AKR1C8: variants seen among roughly 807,000 people sequenced by gnomAD.
AKR1C8 encodes the protein aldo-keto reductase family 1 member C8.
chr10:5,140,484 C>A, the AKR1C8 span, among the ~76,000 whole-genome samples: 3 of 152,114 alleles, frequency 2.0e-5, no homozygotes, highest in African/African-American at 7.2e-5. Context: ...AGGATGAGTT[C>A]ATGTCCTTTG....
chr10:5,162,119 G>T, the AKR1C8 span: 8 of 369,164 alleles, frequency 2.2e-5, 1 homozygote, highest in South Asian at 1.7e-4. Flanking sequence ...ATGTTACTCA[G>T]TATAAATCAA....
chr10:5,127,874 G>T, the AKR1C8 span, among the ~76,000 whole-genome samples: 6 of 152,018 alleles, frequency 3.9e-5, no homozygotes, highest in Non-Finnish European at 7.4e-5. Flanking sequence ...GAATAATTGA[G>T]AAAAACTTCC....
the AKR1C8 span, among the ~76,000 whole-genome samples, chr10:5,167,552 C>T: frequency 6.6e-6 from 1 of 152,146 alleles, no homozygotes; most frequent in Non-Finnish European, 1.5e-5. Context: ...CCAAACACCG[C>T]ATGTTCTCAC....
At chr10:5,174,196 A>G in the AKR1C8 span, among the ~76,000 whole-genome samples, 5 of 151,840 alleles carry the variant, frequency 3.3e-5, no homozygotes, top group African/African-American at 4.8e-5. Context: ...TAATCCAATC[A>G]GAAGACTGAC....
the AKR1C8 span, among the ~76,000 whole-genome samples, chr10:5,161,045 G>A: frequency 2.0e-5 from 3 of 152,162 alleles, no homozygotes; most frequent in Non-Finnish European, 2.9e-5. Flanking sequence ...ATGCACGTGT[G>A]CATGTGTGTA....
the AKR1C8 span, chr10:5,157,849 T>C: frequency 4.5e-6 from 2 of 440,758 alleles, no homozygotes; most frequent in South Asian, 1.7e-5. Flanking sequence ...GGATGGAAAA[T>C]CTACAGTGCG....
chr10:5,130,873 G>A, the AKR1C8 span, among the ~76,000 whole-genome samples: 1 of 151,746 alleles, frequency 6.6e-6, no homozygotes, highest in Non-Finnish European at 1.5e-5. Context: ...CCACAAAAGA[G>A]CCACAATAAC....
chr10:5,182,059 T>G, the AKR1C8 span, among the ~76,000 whole-genome samples: 1 of 152,190 alleles, frequency 6.6e-6, no homozygotes, highest in African/African-American at 2.4e-5. Flanking sequence ...TTTGTTTTTT[T>G]CAGAGTCAAA....
the AKR1C8 span, among the ~76,000 whole-genome samples, chr10:5,144,785 T>C: frequency 6.6e-6 from 1 of 151,984 alleles, no homozygotes. Context: ...GACAATGGGG[T>C]TTTCTAGATA....
At chr10:5,160,152 C>T in the AKR1C8 span, 1 of 376,074 alleles carries the variant, frequency 2.7e-6, no homozygotes, top group African/African-American at 2.2e-5. Flanking sequence ...TATACAATTT[C>T]CTAATGCATT....
At chr10:5,139,431 T>C in the AKR1C8 span, among the ~76,000 whole-genome samples, 1 of 152,166 alleles carries the variant, frequency 6.6e-6, no homozygotes, top group Admixed American at 6.6e-5. Flanking sequence ...CAAAACAACA[T>C]GGTACTAGTA....
At chr10:5,154,041 A>C in the AKR1C8 span, 2 of 323,970 alleles carry the variant, frequency 6.2e-6, no homozygotes, top group East Asian at 1.7e-4. Flanking sequence ...GCAACCTGCA[A>C]CTACAGATCC....
At chr10:5,178,786 C>G in the AKR1C8 span, among the ~76,000 whole-genome samples, 1 of 141,862 alleles carries the variant, frequency 7.0e-6, no homozygotes, top group Non-Finnish European at 1.5e-5. Context: ...TTATCAGAGA[C>G]TAGGATTGCA....
At chr10:5,148,477 G>C in the AKR1C8 span, among the ~76,000 whole-genome samples, 1 of 152,094 alleles carries the variant, frequency 6.6e-6, no homozygotes, top group Non-Finnish European at 1.5e-5. Flanking sequence ...TCTTTGACCT[G>C]AACTTTTTTC....
At chr10:5,120,826 A>G in the AKR1C8 span, among the ~76,000 whole-genome samples, 5 of 152,134 alleles carry the variant, frequency 3.3e-5, no homozygotes, top group East Asian at 5.8e-4. Flanking sequence ...TGAAATAGTC[A>G]TATTTTTATT....
the AKR1C8 span, among the ~76,000 whole-genome samples, chr10:5,181,284 A>G: frequency 6.6e-6 from 1 of 152,242 alleles, no homozygotes; most frequent in Non-Finnish European, 1.5e-5. Flanking sequence ...ATTGACATTA[A>G]TAAAAAACTA....
chr10:5,157,305 G>A, the AKR1C8 span, among the ~76,000 whole-genome samples: 1 of 152,146 alleles, frequency 6.6e-6, no homozygotes, highest in African/African-American at 2.4e-5. Flanking sequence ...ATACAAATAG[G>A]CATTTATAGG....
At chr10:5,116,536 G>A in the AKR1C8 span, among the ~76,000 whole-genome samples, 2 of 152,070 alleles carry the variant, frequency 1.3e-5, no homozygotes, top group Non-Finnish European at 2.9e-5. Context: ...ACAGCCTTCT[G>A]GAGAACTTTG....
chr10:5,126,041 G>A, the AKR1C8 span, among the ~76,000 whole-genome samples: 1 of 152,162 alleles, frequency 6.6e-6, no homozygotes. Context: ...TTACACTGGT[G>A]GGAAGTTTCT....
Sources: allele counts gnomAD v4.1 joint callset (sites outside exome capture counted in the v4.1 genomes callset), GRCh38; gene constraint gnomAD v4.1.1; transcripts MANE v1.5; gene names NCBI Gene and HGNC (gene_info 2026-07-23, HGNC 2026-07-21).